Variants in VWF observed in about 807,000 individuals in gnomAD.
VWF encodes the protein Factor VIII related antigen.
Under a neutral mutation model 308.6 loss-of-function variants are expected in VWF, and 176 were observed. That is an observed-to-expected ratio of 0.57 (90% CI 0.50 to 0.65). The LOEUF (loss-of-function observed/expected upper bound fraction) is 0.65. VWF is among the 30% of genes least tolerant of loss of function. VWF has a pLI of 0.00. For missense variants in VWF, 3,146 were observed against 3,648.2 expected (o/e 0.86, Z 3.55); for synonymous variants, 1,385 against 1,443.4 (o/e 0.96, Z 0.92).
chr12:5,952,002 T>TA, intron 49 of VWF, 119 bp from the exon 50 acceptor site: 1 of 973,220 alleles, frequency 1.0e-6, no homozygotes, highest in Non-Finnish European at 1.6e-6. Flanking sequence ...TGCCCAGATG[T>TA]AAACTATGCT....
chr12:6,059,210 T>G (rs1565847932), intron 13 of VWF, among the ~76,000 whole-genome samples: 1 of 152,208 alleles, frequency 6.6e-6, no homozygotes, highest in Non-Finnish European at 1.5e-5. Flanking sequence ...TCCCACCTCC[T>G]TATTTAAAAT....
chr12:6,014,905 A>G (rs1944039527), intron 31 of VWF, among the ~76,000 whole-genome samples: 1 of 152,238 alleles, frequency 6.6e-6, no homozygotes, highest in Admixed American at 6.5e-5. Context: ...TATCTGCTTC[A>G]AGACCACAAC....
At chr12:6,064,681 CAA>C (rs1193740959) in intron 11 of VWF, among the ~76,000 whole-genome samples, 1 of 152,198 alleles carries the variant, frequency 6.6e-6, no homozygotes, top group Non-Finnish European at 1.5e-5. Context: ...CAAAGAGAAT[CAA>C]AGACTTTGAT....
At chr12:6,085,753 C>G (rs187771498) in intron 6 of VWF, among the ~76,000 whole-genome samples, 27 of 151,446 alleles carry the variant, frequency 1.8e-4, no homozygotes, top group Admixed American at 3.9e-4. Flanking sequence ...AAGGAGAGAG[C>G]GAGCATTAGG....
intron 5 of VWF, 45 bp from the exon 6 acceptor site, chr12:6,095,629 T>A (rs1442326746): frequency 6.2e-7 from 1 of 1,613,750 alleles, no homozygotes. Context: ...GTTATGCCTG[T>A]CCCAGAACTT....
intron 5 of VWF, among the ~76,000 whole-genome samples, chr12:6,101,985 T>A (rs901587270): frequency 6.6e-6 from 1 of 151,606 alleles, no homozygotes; most frequent in African/African-American, 2.4e-5. Context: ...AGACAGAACA[T>A]GACATTTATG....
rs879795163 is a variant in VWF at position 6,075,867 on chromosome 12, A to T, written c.658-316T>A. Reference sequence around the variant, plus strand: ...GAGGATGGAGAGAAGCACAAAGAGCATGCGCCCTGGAGTTGGCCTGGGTGG... The same window carrying T: ...GAGGATGGAGAGAAGCACAAAGAGCTTGCGCCCTGGAGTTGGCCTGGGTGG... On this transcript the variant is annotated intron_variant, in intron 6 of 51. Coordinates refer to ENST00000261405, the MANE Select transcript of VWF (RefSeq NM_000552.5). The surrounding 1 kb of genome is among the most constrained non-coding windows in gnomAD (Gnocchi z 4.7). Among the ~76,000 whole-genome samples, 1 of 152,210 alleles carries T rather than the reference A, an allele frequency of 6.6e-6. No individual in the cohort carries two copies. Among genetic ancestry groups the T allele is most frequent in the Non-Finnish European group, 1.5e-5 (1 of 68,038 alleles).
chr12:5,969,089 A>G, intron 45 of VWF, 122 bp downstream of exon 45: 1 of 1,116,876 alleles, frequency 9.0e-7, no homozygotes, highest in South Asian at 1.4e-5. Context: ...GCAGATGGGA[A>G]GATTTCGGTC....
intron 16 of VWF, among the ~76,000 whole-genome samples, chr12:6,051,526 G>A (rs4764531): frequency 0.51 from 78,076 of 151,870 alleles, 20,949 homozygotes; most frequent in East Asian, 0.71. Context: ...CGCCCACCTC[G>A]GCCTCCCTAA....
At chr12:6,000,869 G>A (rs1326445818) in intron 34 of VWF, among the ~76,000 whole-genome samples, 1 of 144,440 alleles carries the variant, frequency 6.9e-6, no homozygotes, top group Non-Finnish European at 1.5e-5. Flanking sequence ...CCAACTAAGA[G>A]ATGACTAGGA....
intron 34 of VWF, among the ~76,000 whole-genome samples, chr12:6,000,582 C>A (rs952386992): frequency 1.3e-5 from 2 of 151,578 alleles, no homozygotes; most frequent in African/African-American, 4.9e-5. Context: ...CCGAGGCAGG[C>A]GGATCACGAG....
At chr12:6,092,616 AGAGTGT>A (rs1187665173) in intron 6 of VWF, among the ~76,000 whole-genome samples, 1,000 of 96,650 alleles carry the variant, frequency 0.01, 58 homozygotes, top group African/African-American at 0.026. Context: ...TGAGTGAGTG[AGAGTGT>A]GTGTGTGTGT....
rs1944090108 is a variant in VWF at position 6,018,609 on chromosome 12, C to G, written c.4809G>C (p.Leu1603=). The change falls in exon 28 of 52, where the codon CTG becomes CTC. Residue 1603 remains leucine (L), a synonymous_variant. Transcript: ENST00000261405. ...CAGGATTTCCGGTGACCATGTAGACCAGGTTGGGCGCCTGCTCCCGGTCAC... is the reference window on the plus strand; with the variant it reads ...CAGGATTTCCGGTGACCATGTAGACGAGGTTGGGCGCCTGCTCCCGGTCAC... ...SQGDREQAPN[L]VYMVTGNPAS... 1 of 1,614,110 alleles carries G rather than the reference C, an allele frequency of 6.2e-7. No homozygotes were observed. The highest frequency in any genetic ancestry group is 1.3e-5 in the African/African-American group (1 of 75,032).
At chr12:6,092,333 C>T (rs973097024) in intron 6 of VWF, among the ~76,000 whole-genome samples, 13 of 151,810 alleles carry the variant, frequency 8.6e-5, no homozygotes, top group Non-Finnish European at 1.9e-4. Context: ...GACTCCCTTC[C>T]CTTTTTGCGG....
intron 34 of VWF, among the ~76,000 whole-genome samples, chr12:6,000,656 C>T (rs978283748): frequency 2.6e-5 from 4 of 151,154 alleles, no homozygotes; most frequent in Admixed American, 6.6e-5. Context: ...AAAAAAAATA[C>T]GAAAAATTAG....
chr12:6,092,626 T>G (rs150759772), intron 6 of VWF, among the ~76,000 whole-genome samples: 3 of 83,492 alleles, frequency 3.6e-5, no homozygotes, highest in African/African-American at 1.3e-4. Context: ...AGAGTGTGTG[T>G]GTGTGTGTGT....
rs113803426 is a variant in VWF at position 6,031,810 on chromosome 12, G to C, written c.2686-232C>G. On this transcript the variant is annotated intron_variant, in intron 20 of 51. Transcript: ENST00000261405. ...GACAGATGAGCCAGGTGCCTGCAGT[G>C]AGTGGGGTGGGGGTGGGGAAGGAGG... is the stretch of plus-strand genomic sequence containing the variant. Among the ~76,000 whole-genome samples, 938 of 151,136 alleles carry C rather than the reference G, an allele frequency of 6.2e-3. 11 individuals carry two copies. Among genetic ancestry groups the C allele is most frequent in the African/African-American group, 0.02 (819 of 41,094 alleles).
Position 6,013,425 on chromosome 12 carries a change from G to A in VWF, c.5620+56C>T, listed in dbSNP as rs1218565780. Reference sequence around the variant, plus strand: ...TGAATACTATTTTTGTTTCTTTGGCGGGTTTATTTTGGAACTTTTTTTTGA... The same window carrying A: ...TGAATACTATTTTTGTTTCTTTGGCAGGTTTATTTTGGAACTTTTTTTTGA... On this transcript the variant is annotated intron_variant, in intron 32 of 51. Coordinates refer to ENST00000261405, the MANE Select transcript of VWF (RefSeq NM_000552.5). 64 of 1,605,652 alleles carry A rather than the reference G, an allele frequency of 4.0e-5. No individual in the cohort carries two copies. In the Middle Eastern group the frequency reaches 6.6e-4, roughly 17 times the overall value.
intron 5 of VWF, among the ~76,000 whole-genome samples, chr12:6,099,480 C>A (rs79299655): frequency 0.016 from 2,431 of 152,164 alleles, 64 homozygotes; most frequent in African/African-American, 0.055. Flanking sequence ...GATTTAGTAA[C>A]TCCATATTGA....
Sources: gnomAD v4.1 joint callset for allele counts (sites outside exome capture counted in the v4.1 genomes callset) on GRCh38, gnomAD v4.1.1 for gene constraint, Gnocchi (gnomAD v3.1) non-coding constraint, MANE v1.5 for transcripts, NCBI Gene and HGNC (gene_info 2026-07-23, HGNC 2026-07-21) for gene names.